Variants in CRIP2 observed in about 807,000 individuals in gnomAD.
CRIP2 encodes cysteine rich protein 2.
CRIP2 carries 31 observed loss-of-function variants against 31.3 expected under a neutral mutation model. The ratio of observed to expected loss-of-function variants is 0.99; its 90% CI spans 0.74 to 1.34. The LOEUF (loss-of-function observed/expected upper bound fraction) is 1.34, where lower values mean the gene tolerates loss of function less well. Among genes scored for constraint, CRIP2 ranks in the 40% most tolerant of loss-of-function variants. The probability of loss-of-function intolerance (pLI) is 0.00; values close to 1 mark genes in which losing one functional copy is unlikely to be tolerated. For synonymous variants in CRIP2, 177 were observed against 127.2 expected, an observed-to-expected ratio of 1.39 and a Z score of -2.63; for missense variants, 389 against 301.6, an observed-to-expected ratio of 1.29 and a Z score of -2.15.
rs1396827199 is a variant in CRIP2, at chr14:105,478,517, G to T, written c.196+10G>T. 1 of 1,606,192 alleles carries T rather than the reference G, an allele frequency of 6.2e-7. No homozygotes were observed. Among genetic ancestry groups the T allele is most frequent in the Non-Finnish European group, 8.5e-7 (1 of 1,177,840 alleles). ...CTGTTCGGACCCAAAGGTGAGCTCC[G>T]GCTGCCCTCGGCCTGCCCTGGGACC... On this transcript the variant is annotated intron_variant, in intron 3 of 7. Transcript: ENST00000329146. This position sits in a 1 kb window ranked among gnomAD's most constrained non-coding sequence, Gnocchi z 4.9.
rs376430237 is a variant in CRIP2, at chr14:105,478,461, G to A, written c.150G>A (p.Lys50=). ...GCCCCTCTGCGCAGCATGACGGGAA[G>A]CCGTTCTGCCACAAGCCGTGCTACG... ...TPGGHAEHDG[K]PFCHKPCYAT... Residue 50 remains lysine (K), a synonymous_variant, in exon 3 of 8, where the codon AAG becomes AAA. Transcript: ENST00000329146. The surrounding 1 kb of genome is among the most constrained non-coding windows in gnomAD (Gnocchi z 4.9). The A allele has an allele frequency of 1.9e-5, 31 of 1,606,428 alleles. No homozygotes were observed. The highest frequency in any genetic ancestry group is 2.5e-5 in the Non-Finnish European group (30 of 1,178,846).
rs868921118 is a variant in CRIP2, at chr14:105,479,960, C to T, written c.*307C>T. ...TGTCCCCGTGGCGCTGTCCGCTCTC[C>T]CTCTCCTGCTGCCCACCCACCTGCC... On this transcript the variant is annotated 3_prime_UTR_variant, in exon 8 of 8. Transcript: ENST00000329146. 2.4e-6 allele frequency: 1 copy of T among 422,866 alleles called. No individual in the cohort carries two copies. The highest frequency in any genetic ancestry group is 4.4e-6 in the Non-Finnish European group (1 of 229,090). The allele number at this position is 422,866 out of a possible 1,614,324, so 26.2% of individuals were successfully genotyped here.
At chr14:105,479,370 A>G in intron 6 of CRIP2, 66 bp from the exon 7 acceptor site, 5 of 1,604,002 alleles carry the variant, frequency 3.1e-6, no homozygotes, top group Non-Finnish European at 4.3e-6. Context: ...CACGTTCTGG[A>G]AGCCTCCAGG....
At chr14:105,473,539 C>G (rs1289699277), upstream of CRIP2, 7 of 1,526,352 alleles carry the variant, frequency 4.6e-6, no homozygotes, top group African/African-American at 1.4e-5. Context: ...AGCCCACAGC[C>G]TCCAAGACAC....
chr14:105,473,112 A>G (rs1327059222), upstream of CRIP2: 1 of 1,082,934 alleles, frequency 9.2e-7, no homozygotes, highest in Non-Finnish European at 1.3e-6. Context: ...CAAGCTGGGC[A>G]GAACAGGGCA....
In CRIP2 at chr14:105,478,483, T is replaced by A. The variant is rs1555436423; in HGVS notation, c.172T>A (p.Tyr58Asn). The change falls in exon 3 of 8, where the codon TAC becomes AAC. Residue 58 changes from tyrosine (Y) to asparagine (N), a missense_variant. By Grantham distance (143) the Tyr-to-Asn change is moderately radical. Transcript: ENST00000329146. The surrounding 1 kb of genome is among the most constrained non-coding windows in gnomAD (Gnocchi z 4.9). ...GAAGCCGTTCTGCCACAAGCCGTGC[T>A]ACGCCACCCTGTTCGGACCCAAAGG... ...DGKPFCHKPC[Y>N]ATLFGPKGVN... is the part of the protein sequence containing the mutation. 1.2e-6 allele frequency: 2 copies of A among 1,608,834 alleles called. No individual in the cohort carries two copies. Among genetic ancestry groups the A allele is most frequent in the Non-Finnish European group, 1.7e-6 (2 of 1,179,116 alleles).
In CRIP2 at chr14:105,478,918, C is replaced by G; in HGVS notation, c.337+47C>G. On this transcript the variant is annotated intron_variant, in intron 4 of 7. Coordinates refer to ENST00000329146, the MANE Select transcript of CRIP2 (RefSeq NM_001312.4). This position sits in a 1 kb window ranked among gnomAD's most constrained non-coding sequence, Gnocchi z 4.9. ...GCTGGGGGTTGTGGGCACGCGCGGG[C>G]TGGGGCTGGGGGTTGTGGGCACCCC... is the stretch of plus-strand genomic sequence containing the variant. The G allele has an allele frequency of 6.6e-7, 1 of 1,510,696 alleles. No individual in the cohort carries two copies. Among genetic ancestry groups the G allele is most frequent in the South Asian group, 1.2e-5 (1 of 81,010 alleles). The allele number at this position is 1,510,696 out of a possible 1,614,324, so 93.6% of individuals were successfully genotyped here. A position where few individuals can be genotyped will look rare whatever the true frequency, so the allele number is the denominator to read the frequency against.
In CRIP2 at chr14:105,479,661, C is replaced by G. The variant is rs183771092; in HGVS notation, c.*8C>G. 2 of 1,610,320 alleles carry G rather than the reference C, an allele frequency of 1.2e-6. No individual in the cohort carries two copies. Among genetic ancestry groups the G allele is most frequent in the Admixed American group, 1.7e-5 (1 of 59,750 alleles). Reference sequence around the variant, plus strand: ...GGCAAGGTCCAGCCCTAGGCTACAGCGGCTCTCATGATGTGGGCTCACCTG... The same window carrying G: ...GGCAAGGTCCAGCCCTAGGCTACAGGGGCTCTCATGATGTGGGCTCACCTG... On this transcript the variant is annotated 3_prime_UTR_variant, in exon 8 of 8. Coordinates refer to ENST00000329146, the MANE Select transcript of CRIP2 (RefSeq NM_001312.4).
chr14:105,478,291 G>C lies in CRIP2; in HGVS notation c.69G>C (p.Lys23Asn). The C allele has an allele frequency of 1.3e-6, 2 of 1,570,692 alleles. No homozygotes were observed. Among genetic ancestry groups the C allele is most frequent in the South Asian group, 1.2e-5 (1 of 86,724 alleles). ...YFAEKVSSLG[K>N]DWHKFCLKCE... ...CCGAGAAGGTGAGCTCCCTGGGGAA[G>C]GACTGGCACAAGTTCTGCCTCAAGT... Residue 23 changes from lysine (K) to asparagine (N), a missense_variant, in exon 2 of 8, where the codon AAG becomes AAC. Lys to Asn is a moderately conservative substitution (Grantham distance 94, BLOSUM62 0). Transcript: ENST00000329146. The surrounding 1 kb of genome is among the most constrained non-coding windows in gnomAD (Gnocchi z 4.9).
chr14:105,474,853 C>A lies in CRIP2; in HGVS notation c.-10C>A. Reference sequence around the variant, plus strand: ...GGGCGGAGGGCGCGGGCCGACCGGGCGCACCGACCATGGCCTCCAAATGCC... The same window carrying A: ...GGGCGGAGGGCGCGGGCCGACCGGGAGCACCGACCATGGCCTCCAAATGCC... On this transcript the variant is annotated 5_prime_UTR_variant, in exon 1 of 8. Coordinates refer to ENST00000329146, the MANE Select transcript of CRIP2 (RefSeq NM_001312.4). This position sits in a 1 kb window ranked among gnomAD's most constrained non-coding sequence, Gnocchi z 5.1. 6.7e-7 allele frequency: 1 copy of A among 1,487,298 alleles called. No homozygotes were observed. 92.1% of individuals were successfully genotyped at this position (1,487,298 alleles called of 1,614,324 possible).
rs1295308615 is a variant in CRIP2 at position 105,479,855 on chromosome 14, G to A, written c.*202G>A. 8.0e-5 allele frequency: 49 copies of A among 612,296 alleles called. No homozygotes were observed. Among genetic ancestry groups the A allele is most frequent in the Non-Finnish European group, 1.4e-4 (47 of 344,438 alleles). 37.9% of individuals were successfully genotyped at this position (612,296 alleles called of 1,614,324 possible). ...TGTCTGCCCCCTCTGGCATCCTCTG[G>A]GCGTCCCATGATCCCTTCTGTGTCT... On this transcript the variant is annotated 3_prime_UTR_variant, in exon 8 of 8. Transcript: ENST00000329146.
Position 105,478,994 on chromosome 14 carries a change from C to T in CRIP2, c.353C>T (p.Thr118Ile), listed in dbSNP as rs1555436615. The T allele has an allele frequency of 2.5e-6, 4 of 1,579,426 alleles. No individual in the cohort carries two copies. The highest frequency in any genetic ancestry group is 2.6e-6 in the Non-Finnish European group (3 of 1,166,684). Residue 118 changes from threonine to isoleucine, a missense_variant, in exon 5 of 8, where the codon ACT becomes ATT. Physicochemically the swap from Thr to Ile is moderately conservative, Grantham distance 89. Transcript: ENST00000329146. The surrounding 1 kb of genome is among the most constrained non-coding windows in gnomAD (Gnocchi z 4.9). Reference sequence around the variant, plus strand: ...CGCCCCACAGCCTCCAGTGTCACCACTTTCACCGGGGAGCCCAACACGTGC... The same window carrying T: ...CGCCCCACAGCCTCCAGTGTCACCATTTTCACCGGGGAGCCCAACACGTGC... ...KGPSRASSVT[T>I]FTGEPNTCPR...
In CRIP2 at chr14:105,478,695, C is replaced by T. The variant is rs2084010219; in HGVS notation, c.197-36C>T. On this transcript the variant is annotated intron_variant, in intron 3 of 7. Transcript: ENST00000329146. The surrounding 1 kb of genome is among the most constrained non-coding windows in gnomAD (Gnocchi z 4.9). ...GATGCCCGGTGGCCGCGGCCCCCACCCCACGTACCCCCGCCCCACGTACCC... is the reference window on the plus strand; with the variant it reads ...GATGCCCGGTGGCCGCGGCCCCCACTCCACGTACCCCCGCCCCACGTACCC... The T allele has an allele frequency of 5.5e-6, 8 of 1,442,286 alleles. No homozygotes were observed. The African/African-American group carries it at 7.2e-5, about 13-fold the overall frequency. The allele number at this position is 1,442,286 out of a possible 1,614,324, so 89.3% of individuals were successfully genotyped here. A position where few individuals can be genotyped will look rare whatever the true frequency, so the allele number is the denominator to read the frequency against.
chr14:105,477,660 TG>T (rs1454380491), intron 1 of CRIP2: 2 of 642,470 alleles, frequency 3.1e-6, no homozygotes, highest in African/African-American at 6.4e-5. Flanking sequence ...TGCATATGTG[TG>T]GGGGGAGGCA....
Position 105,478,539 on chromosome 14 carries a change from G to A in CRIP2, c.196+32G>A. The A allele has an allele frequency of 1.3e-6, 2 of 1,596,032 alleles. No homozygotes were observed. Among genetic ancestry groups the A allele is most frequent in the Non-Finnish European group, 1.7e-6 (2 of 1,173,120 alleles). On this transcript the variant is annotated intron_variant, in intron 3 of 7. Transcript: ENST00000329146. This position sits in a 1 kb window ranked among gnomAD's most constrained non-coding sequence, Gnocchi z 4.9. ...TCCGGCTGCCCTCGGCCTGCCCTGG[G>A]ACCTGCTGGGAGGGGCGTGGCGCTG...
upstream of CRIP2, chr14:105,474,731 G>T (rs1440594909): frequency 2.0e-6 from 2 of 1,023,346 alleles, no homozygotes; most frequent in African/African-American, 1.7e-5. This position sits in a 1 kb window ranked among gnomAD's most constrained non-coding sequence, Gnocchi z 5.1. Flanking sequence ...CCCGGGGGAC[G>T]GGTTATCGAG....
In CRIP2 at chr14:105,479,015, C is replaced by T. The variant is rs1225789823; in HGVS notation, c.374C>T (p.Thr125Met). 5 of 1,583,968 alleles carry T rather than the reference C, an allele frequency of 3.2e-6. No individual in the cohort carries two copies. Among genetic ancestry groups the T allele is most frequent in the Admixed American group, 1.8e-5 (1 of 57,078 alleles). The change falls in exon 5 of 8, where the codon ACG becomes ATG. Residue 125 changes from threonine (T) to methionine (M), a missense_variant. Coordinates refer to ENST00000329146, the MANE Select transcript of CRIP2 (RefSeq NM_001312.4). ...ACCACTTTCACCGGGGAGCCCAACACGTGCCCGCGCTGCAGCAAGAAGGTG... is the reference window on the plus strand; with the variant it reads ...ACCACTTTCACCGGGGAGCCCAACATGTGCCCGCGCTGCAGCAAGAAGGTG... Reference protein sequence around the residue: ...SVTTFTGEPNTCPRCSKKVYF... With the variant: ...SVTTFTGEPNMCPRCSKKVYF...
In CRIP2 at chr14:105,478,379, C is replaced by A. The variant is rs782005534; in HGVS notation, c.138+19C>A. On this transcript the variant is annotated intron_variant, in intron 2 of 7. Coordinates refer to ENST00000329146, the MANE Select transcript of CRIP2 (RefSeq NM_001312.4). This position sits in a 1 kb window ranked among gnomAD's most constrained non-coding sequence, Gnocchi z 4.9. ...CGCCGAGGTGAGCCCCACTGCGCGGCGCGGGCGGGGGCGGGGGTCGCGACT... is the reference window on the plus strand; with the variant it reads ...CGCCGAGGTGAGCCCCACTGCGCGGAGCGGGCGGGGGCGGGGGTCGCGACT... The A allele has an allele frequency of 6.4e-7, 1 of 1,572,606 alleles. No individual in the cohort carries two copies. Among genetic ancestry groups the A allele is most frequent in the Non-Finnish European group, 8.6e-7 (1 of 1,162,134 alleles).
At chr14:105,477,220 G>A in intron 1 of CRIP2, 1 of 961,994 alleles carries the variant, frequency 1.0e-6, no homozygotes, top group Non-Finnish European at 1.2e-6. Context: ...CCCTAGGGAG[G>A]CCCCTGCTTC....
Sources: gnomAD v4.1 joint callset for allele counts on GRCh38, gnomAD v4.1.1 for gene constraint, Gnocchi (gnomAD v3.1) non-coding constraint, MANE v1.5 for transcripts, NCBI Gene and HGNC (gene_info 2026-07-23, HGNC 2026-07-21) for gene names.